The following SLC9A9 variants were observed in gnomAD, a reference collection of about 807,000 sequenced individuals.
The protein encoded by SLC9A9 is sodium/hydrogen exchanger 9.
A neutral mutation model predicts 77.8 loss-of-function variants in SLC9A9; 62 were observed. That is an observed-to-expected ratio of 0.80 (90% CI 0.65 to 0.98). The LOEUF is 0.98. Ranked by LOEUF, SLC9A9 falls within the 50% of genes least tolerant of loss-of-function variation. SLC9A9 has a pLI of 0.00. For missense variants in SLC9A9, 775 were observed against 774.9 expected (o/e 1.00, Z 0.00); for synonymous variants, 320 against 283.5 (o/e 1.13, Z -1.29).
intron 9 of SLC9A9, among the ~76,000 whole-genome samples, chr3:143,523,134 T>G (rs2036341292): frequency 6.6e-6 from 1 of 152,140 alleles, no homozygotes; most frequent in African/African-American, 2.4e-5. Flanking sequence ...CTTTAGCACC[T>G]CCAGAATCAT....
intron 12 of SLC9A9, among the ~76,000 whole-genome samples, chr3:143,410,167 C>G (rs2034065250): frequency 6.6e-6 from 1 of 152,190 alleles, no homozygotes; most frequent in South Asian, 2.1e-4. Flanking sequence ...AGAGCCTTCT[C>G]TCTCACATCA....
chr3:143,432,112 A>C (rs896689307), intron 12 of SLC9A9, among the ~76,000 whole-genome samples: 6 of 152,106 alleles, frequency 3.9e-5, no homozygotes, highest in African/African-American at 1.4e-4. Context: ...CCCATTTGTT[A>C]AGCTAATTTC....
intron 12 of SLC9A9, among the ~76,000 whole-genome samples, chr3:143,415,423 G>A (rs1402154931): frequency 6.6e-6 from 1 of 152,190 alleles, no homozygotes. Context: ...TGCAGCCAGT[G>A]TCTTTAAGTT....
At chr3:143,554,841 T>C (rs935371524) in intron 8 of SLC9A9, among the ~76,000 whole-genome samples, 3 of 152,242 alleles carry the variant, frequency 2.0e-5, no homozygotes, top group Non-Finnish European at 4.4e-5. Context: ...GATATCCACA[T>C]GGCTCCTTCC....
Position 143,824,871 on chromosome 3 carries a change from A to G in SLC9A9, c.378+7148T>C, listed in dbSNP as rs148966613. On this transcript the variant is annotated intron_variant, in intron 2 of 15. Transcript: ENST00000316549. Reference sequence around the variant, plus strand: ...AAACAGCTAAAGCAAACAAATTTTTAGTTTCTTTAGTAACAGCAGATCTCT... The same window carrying G: ...AAACAGCTAAAGCAAACAAATTTTTGGTTTCTTTAGTAACAGCAGATCTCT... Among the ~76,000 whole-genome samples the G allele has an allele frequency of 2.3e-3, 355 of 152,348 alleles. 1 individual carries two copies. The highest frequency in any genetic ancestry group is 7.8e-3 in the African/African-American group (323 of 41,578).
At chr3:143,472,494 C>T (rs1311595638) in intron 11 of SLC9A9, among the ~76,000 whole-genome samples, 1 of 152,180 alleles carries the variant, frequency 6.6e-6, no homozygotes, top group Non-Finnish European at 1.5e-5. Flanking sequence ...ATCAAAACTT[C>T]ACTGAATTCC....
intron 14 of SLC9A9, among the ~76,000 whole-genome samples, chr3:143,287,001 C>G (rs1484218743): frequency 6.6e-6 from 1 of 152,178 alleles, no homozygotes; most frequent in African/African-American, 2.4e-5. Context: ...GTCTCAGTAC[C>G]TTGGTCACCA....
At chr3:143,690,958 A>G (rs2108780753) in intron 5 of SLC9A9, among the ~76,000 whole-genome samples, 1 of 152,294 alleles carries the variant, frequency 6.6e-6, no homozygotes, top group South Asian at 2.1e-4. Flanking sequence ...GGCTTAAGCA[A>G]AAACCATCAA....
chr3:143,681,581 T>C (rs953815846), intron 5 of SLC9A9, among the ~76,000 whole-genome samples: 1 of 152,266 alleles, frequency 6.6e-6, no homozygotes, highest in African/African-American at 2.4e-5. Flanking sequence ...GAACAGAATT[T>C]CTGACCATGT....
chr3:143,841,695 T>A (rs2009710548), intron 1 of SLC9A9, among the ~76,000 whole-genome samples: 1 of 152,182 alleles, frequency 6.6e-6, no homozygotes, highest in African/African-American at 2.4e-5. Context: ...ATAGCTTCTT[T>A]GAGATTCAGA....
chr3:143,576,479 G>T (rs573977663), intron 7 of SLC9A9, among the ~76,000 whole-genome samples: 1 of 152,202 alleles, frequency 6.6e-6, no homozygotes, highest in South Asian at 2.1e-4. Flanking sequence ...TGTTTTACAG[G>T]GTTGATTCAA....
At chr3:143,321,613 G>C (rs1171961356) in intron 14 of SLC9A9, among the ~76,000 whole-genome samples, 1 of 152,154 alleles carries the variant, frequency 6.6e-6, no homozygotes, top group Non-Finnish European at 1.5e-5. Flanking sequence ...CTGAGTGACA[G>C]TTATGTTTTA....
chr3:143,491,755 G>T (rs374050266), intron 11 of SLC9A9, among the ~76,000 whole-genome samples: 1 of 152,252 alleles, frequency 6.6e-6, no homozygotes, highest in African/African-American at 2.4e-5. Context: ...AGCATTGTTT[G>T]TCAAATAAAG....
chr3:143,332,331 A>C (rs2031797771), intron 14 of SLC9A9, among the ~76,000 whole-genome samples: 1 of 152,224 alleles, frequency 6.6e-6, no homozygotes, highest in South Asian at 2.1e-4. Flanking sequence ...TGGAACTGGT[A>C]CAAAGAAGAA....
intron 13 of SLC9A9, among the ~76,000 whole-genome samples, chr3:143,367,922 T>G (rs1160837622): frequency 6.6e-6 from 1 of 152,178 alleles, no homozygotes; most frequent in Non-Finnish European, 1.5e-5. Flanking sequence ...TTGAGTTTAG[T>G]TACAACATTT....
intron 14 of SLC9A9, among the ~76,000 whole-genome samples, chr3:143,299,200 C>T (rs970672760): frequency 1.3e-5 from 2 of 152,122 alleles, no homozygotes; most frequent in African/African-American, 2.4e-5. Context: ...CTTCCCAGAA[C>T]ATTACAGCTC....
chr3:143,370,788 C>G (rs568388446), intron 13 of SLC9A9, among the ~76,000 whole-genome samples: 1 of 152,092 alleles, frequency 6.6e-6, no homozygotes, highest in African/African-American at 2.4e-5. Flanking sequence ...ACTTCATCAT[C>G]GCTTTCACAA....
At chr3:143,470,480 C>CAAAAA in intron 11 of SLC9A9, among the ~76,000 whole-genome samples, 1 of 135,886 alleles carries the variant, frequency 7.4e-6, no homozygotes, top group African/African-American at 2.6e-5. Context: ...AATTCTGGCT[C>CAAAAA]AAAAAAAAAA....
intron 8 of SLC9A9, among the ~76,000 whole-genome samples, chr3:143,568,566 A>C (rs1487339890): frequency 6.6e-6 from 1 of 152,154 alleles, no homozygotes; most frequent in Non-Finnish European, 1.5e-5. Context: ...TCTGCTGTGA[A>C]ATGTTTGGAC....
Sources: gnomAD v4.1 joint callset for allele counts (sites outside exome capture counted in the v4.1 genomes callset) on GRCh38, gnomAD v4.1.1 for gene constraint, MANE v1.5 for transcripts, NCBI Gene and HGNC (gene_info 2026-07-23, HGNC 2026-07-21) for gene names.